IL3RA: variants seen among roughly 807,000 people sequenced by gnomAD.
The protein encoded by IL3RA is interleukin 3 receptor subunit alpha.
IL3RA carries 73 observed loss-of-function variants against 52.3 expected under a neutral mutation model. The ratio of observed to expected loss-of-function variants is 1.40; its 90% confidence interval spans 1.16 to 1.70. The LOEUF is 1.70. Among genes scored for constraint, IL3RA ranks in the 40% most tolerant of loss-of-function variants. The pLI is 0.00. For missense variants in IL3RA, 664 were observed against 504.4 expected (o/e 1.32, Z -3.03); for synonymous variants, 260 against 194.0 (o/e 1.34, Z -2.83).
intron 8 of IL3RA, among the ~76,000 whole-genome samples, chrX:1,362,478 CT>C (rs1310186286): frequency 2.6e-5 from 4 of 151,548 alleles, no homozygotes; most frequent in African/African-American, 9.7e-5. Context: ...CTGTCTCTCT[CT>C]GTCCATCACC....
rs17883751 is a variant in IL3RA at position 1,342,197 on chromosome X, A to G, written c.64+368A>G. Among the ~76,000 whole-genome samples, 198 of 152,050 alleles carry G rather than the reference A, an allele frequency of 1.3e-3. 1 individual carries two copies. Among genetic ancestry groups the G allele is most frequent in the African/African-American group, 4.6e-3 (189 of 41,468 alleles). On this transcript the variant is annotated intron_variant, in intron 2 of 11. Transcript: ENST00000331035. The stretch of plus-strand genomic sequence containing the variant: ...ATTTTTATTTTGGAGACAGGGTCTT[A>G]CTGTCTTGCCCAGGCTGGAGTGCAA...
In IL3RA at chrX:1,358,826, A is replaced by C. The variant is rs746133683; in HGVS notation, c.733-35A>C. 1.9e-6 allele frequency: 3 copies of C among 1,612,842 alleles called. No individual in the cohort carries two copies. In the Admixed American group the frequency reaches 5.0e-5, roughly 27 times the overall value. ...AGGAGGAGGCTTTCAGGGACGGTCC[A>C]GACACTCAAAAGTTTGCTTGCTTTT... is the stretch of plus-strand genomic sequence containing the variant. On this transcript the variant is annotated intron_variant, in intron 7 of 11. Coordinates refer to ENST00000331035, the MANE Select transcript of IL3RA (RefSeq NM_002183.4).
At chrX:1,352,536 C>T (rs2086151651) in intron 6 of IL3RA, 30 bp downstream of exon 6, 1 of 1,604,348 alleles carries the variant, frequency 6.2e-7, no homozygotes. Context: ...CCCTCCCACC[C>T]TCAGTTCTGT....
At chrX:1,368,186 G>A (rs781360702) in intron 9 of IL3RA, among the ~76,000 whole-genome samples, 3 of 151,144 alleles carry the variant, frequency 2.0e-5, no homozygotes, top group Non-Finnish European at 3.0e-5. Context: ...GTGAACCCGG[G>A]AGGCGGAGGT....
chrX:1,339,883 G>A (rs759185964), intron 1 of IL3RA, among the ~76,000 whole-genome samples: 40 of 152,172 alleles, frequency 2.6e-4, no homozygotes, highest in Admixed American at 1.2e-3. Context: ...TCTGGGATGC[G>A]GCAGAAAGTT....
chrX:1,349,039 G>A (rs1324284668), intron 4 of IL3RA, among the ~76,000 whole-genome samples: 3 of 137,626 alleles, frequency 2.2e-5, no homozygotes, highest in Non-Finnish European at 3.0e-5. Context: ...ACACGGTCTT[G>A]CTCTGTTGCC....
At chrX:1,362,256 CTGTT>C (rs1369302790) in intron 8 of IL3RA, among the ~76,000 whole-genome samples, 2 of 151,510 alleles carry the variant, frequency 1.3e-5, no homozygotes, top group Non-Finnish European at 2.9e-5. Context: ...CTATGTCTCT[CTGTT>C]TTTCTGTCTC....
At chrX:1,364,155 T>C (rs1309883027) in intron 8 of IL3RA, among the ~76,000 whole-genome samples, 1 of 147,790 alleles carries the variant, frequency 6.8e-6, no homozygotes, top group Non-Finnish European at 1.5e-5. Context: ...GCCACTGCAC[T>C]CCAGCCTGGG....
At chrX:1,359,363 C>G (rs1443721285) in intron 8 of IL3RA, among the ~76,000 whole-genome samples, 1 of 152,152 alleles carries the variant, frequency 6.6e-6, no homozygotes, top group African/African-American at 2.4e-5. Flanking sequence ...TGCCTGGGAT[C>G]TGCAGGAACA....
Position 1,352,096 on chromosome X carries a change from C to A in IL3RA, c.299-4C>A, listed in dbSNP as rs764695126. On this transcript the variant is annotated splice_polypyrimidine_tract_variant and splice_region_variant and intron_variant, in intron 4 of 11. Coordinates refer to ENST00000331035, the MANE Select transcript of IL3RA (RefSeq NM_002183.4). The stretch of plus-strand genomic sequence containing the variant: ...CGAGTTCTCTTTCATGTTTGTGAAC[C>A]CAGGTGGGAAGCCTTGGGCAGGTGC... 5 of 1,613,344 alleles carry A rather than the reference C, an allele frequency of 3.1e-6. No individual in the cohort carries two copies. Among genetic ancestry groups the A allele is most frequent in the Non-Finnish European group, 4.2e-6 (5 of 1,179,694 alleles).
At chrX:1,354,339 C>T (rs1434070235) in intron 6 of IL3RA, among the ~76,000 whole-genome samples, 2 of 152,000 alleles carry the variant, frequency 1.3e-5, no homozygotes, top group African/African-American at 4.8e-5. Flanking sequence ...CTCCGAGGAA[C>T]CTCCCAGGTG....
chrX:1,337,150 G>C (rs1320890761), intron 1 of IL3RA, among the ~76,000 whole-genome samples: 1 of 152,224 alleles, frequency 6.6e-6, no homozygotes, highest in Non-Finnish European at 1.5e-5. Context: ...TGGATCGGAC[G>C]CTGAAGCCAT....
At chrX:1,343,847 G>C (rs751748122) in intron 2 of IL3RA, among the ~76,000 whole-genome samples, 1 of 146,948 alleles carries the variant, frequency 6.8e-6, no homozygotes. Flanking sequence ...CCAGGCTGGA[G>C]TGCAGTGGCA....
At chrX:1,358,584 G>A (rs1384687759) in intron 7 of IL3RA, among the ~76,000 whole-genome samples, 2 of 152,248 alleles carry the variant, frequency 1.3e-5, no homozygotes, top group Admixed American at 1.3e-4. Flanking sequence ...ACTTGAATCC[G>A]GGAGGCGGAG....
chrX:1,348,676 T>TC, intron 4 of IL3RA, 131 bp downstream of exon 4: 1 of 396,248 alleles, frequency 2.5e-6, no homozygotes, highest in Non-Finnish European at 4.5e-6. Context: ...CTTTCTTTCT[T>TC]TCTTTCTTTC....
intron 9 of IL3RA, among the ~76,000 whole-genome samples, chrX:1,370,274 G>C (rs2088501108): frequency 4.1e-5 from 1 of 24,136 alleles, no homozygotes. Context: ...AGCCTGAGAT[G>C]GACTAAGCCA....
chrX:1,362,012 GTC>G (rs1391834600), intron 8 of IL3RA, among the ~76,000 whole-genome samples: 44 of 151,824 alleles, frequency 2.9e-4, no homozygotes, highest in South Asian at 8.3e-4. Flanking sequence ...TTTCCTCTCT[GTC>G]TCTGTTTTTC....
chrX:1,361,209 CTA>C (rs2087318500), intron 8 of IL3RA, among the ~76,000 whole-genome samples: 28 of 145,092 alleles, frequency 1.9e-4, no homozygotes, highest in Middle Eastern at 3.5e-3. Flanking sequence ...TCCCCTGTCT[CTA>C]TGTCTCTCCC....
At chrX:1,381,242 T>C (rs1252877916) in intron 11 of IL3RA, 138 bp downstream of exon 11, 3 of 774,212 alleles carry the variant, frequency 3.9e-6, no homozygotes, top group Non-Finnish European at 4.5e-6. Context: ...CTACTAAAAA[T>C]ACAAAATTAG....
Sources: allele counts gnomAD v4.1 joint callset (sites outside exome capture counted in the v4.1 genomes callset), GRCh38; gene constraint gnomAD v4.1.1; transcripts MANE v1.5; gene names NCBI Gene and HGNC (gene_info 2026-07-23, HGNC 2026-07-21).